CAMKMT: variants seen among roughly 807,000 people sequenced by gnomAD.
CAMKMT encodes calmodulin-lysine N-methyltransferase.
A neutral mutation model predicts 48.0 loss-of-function variants in CAMKMT; 53 were observed. That is an observed-to-expected ratio of 1.10 (90% CI 0.89 to 1.39). The LOEUF (loss-of-function observed/expected upper bound fraction) is 1.39, where lower values mean the gene tolerates loss of function less well. Among genes scored for constraint, CAMKMT ranks in the 40% most tolerant of loss-of-function variants. The pLI, the probability that CAMKMT is intolerant of heterozygous loss-of-function variation, is 0.00. For synonymous variants in CAMKMT, 165 were observed against 152.3 expected (o/e 1.08, Z -0.61); for missense variants, 428 against 402.7 (o/e 1.06, Z -0.54).
intron 2 of CAMKMT, among the ~76,000 whole-genome samples, chr2:44,381,752 C>T (rs767319052): frequency 6.6e-6 from 1 of 152,082 alleles, no homozygotes; most frequent in Non-Finnish European, 1.5e-5. Flanking sequence ...GCTTTCAGTT[C>T]TTTAATAAAA....
intron 7 of CAMKMT, among the ~76,000 whole-genome samples, chr2:44,719,619 A>G (rs1220854582): frequency 1.3e-5 from 2 of 152,210 alleles, no homozygotes; most frequent in East Asian, 3.8e-4. Context: ...TATTTAGAGA[A>G]CATTTTGAAA....
At position 44,387,082 on chromosome 2, in the gene CAMKMT, T is replaced by C. The variant is rs888574108; in HGVS notation, c.312-3159T>C. ...CTATTGTTTCCTTGTTGACTTTCTG[T>C]CTTGATGACCTGTCTAGTGCTGTCA... On this transcript the variant is annotated intron_variant, in intron 2 of 10. Coordinates refer to ENST00000378494, the MANE Select transcript of CAMKMT (RefSeq NM_024766.5). 5.8e-4 allele frequency among the ~76,000 whole-genome samples: 89 copies of C among 152,186 alleles called. 1 individual carries two copies. The highest frequency in any genetic ancestry group is 2.1e-3 in the African/African-American group (86 of 41,466).
chr2:44,419,668 T>A (rs1374067595), intron 3 of CAMKMT, among the ~76,000 whole-genome samples: 1 of 152,216 alleles, frequency 6.6e-6, no homozygotes, highest in Non-Finnish European at 1.5e-5. Flanking sequence ...CCTGAACTTC[T>A]GGGCTCAAGT....
chr2:44,415,757 C>T (rs1432409880), intron 3 of CAMKMT, among the ~76,000 whole-genome samples: 1 of 152,136 alleles, frequency 6.6e-6, no homozygotes, highest in African/African-American at 2.4e-5. Flanking sequence ...AAATTGAAAT[C>T]CCTGGGTGGG....
intron 3 of CAMKMT, among the ~76,000 whole-genome samples, chr2:44,519,730 C>T (rs1427121430): frequency 3.3e-5 from 5 of 152,166 alleles, no homozygotes; most frequent in Non-Finnish European, 7.3e-5. Flanking sequence ...GGGCACTGTG[C>T]TTCAAACTCA....
chr2:44,395,003 A>G (rs1681697815), intron 3 of CAMKMT: 1 of 448,060 alleles, frequency 2.2e-6, no homozygotes, highest in Non-Finnish European at 4.5e-6. Context: ...TAAAAAAAAG[A>G]CAATCAAATA....
chr2:44,723,233 A>G (rs551673349), intron 7 of CAMKMT, among the ~76,000 whole-genome samples: 2 of 152,294 alleles, frequency 1.3e-5, no homozygotes, highest in East Asian at 1.9e-4. Flanking sequence ...CGTGGGGACC[A>G]CCAAACTAGA....
In CAMKMT at chr2:44,573,060, T is replaced by C. The variant is rs966626200; in HGVS notation, c.377-131223T>C. On this transcript the variant is annotated intron_variant, in intron 3 of 10. Transcript: ENST00000378494. The stretch of plus-strand genomic sequence containing the variant: ...ATTACTGTTAGTAATAGTAATCTTT[T>C]CATGTGCTGCTATTAGTAAAAGTAA... Among the ~76,000 whole-genome samples, 6 of 152,240 alleles carry C rather than the reference T, an allele frequency of 3.9e-5. No individual in the cohort carries two copies. The East Asian group carries it at 1.2e-3, about 29-fold the overall frequency.
chr2:44,719,539 AAT>A (rs1678352016), intron 7 of CAMKMT, among the ~76,000 whole-genome samples: 1 of 152,212 alleles, frequency 6.6e-6, no homozygotes. Context: ...AATTCTGCTT[AAT>A]ATGTTTTTGT....
chr2:44,667,315 G>A (rs1675049281), intron 3 of CAMKMT, among the ~76,000 whole-genome samples: 1 of 152,182 alleles, frequency 6.6e-6, no homozygotes, highest in African/African-American at 2.4e-5. Context: ...ACCAGCAGAT[G>A]ATATCCCCAT....
intron 3 of CAMKMT, among the ~76,000 whole-genome samples, chr2:44,612,870 T>G (rs1186070766): frequency 3.9e-5 from 6 of 152,244 alleles, no homozygotes; most frequent in Admixed American, 3.9e-4. Flanking sequence ...CCTCTTTTTC[T>G]CTCTCACTCA....
intron 3 of CAMKMT, among the ~76,000 whole-genome samples, chr2:44,540,874 T>C (rs1178813824): frequency 6.6e-6 from 1 of 152,258 alleles, no homozygotes; most frequent in African/African-American, 2.4e-5. Flanking sequence ...CTGTGATCCA[T>C]TTGAAGTTTA....
intron 3 of CAMKMT, chr2:44,550,670 C>T (rs1412841869): frequency 6.6e-6 from 1 of 152,150 alleles, no homozygotes; most frequent in Non-Finnish European, 1.5e-5. Flanking sequence ...TATTGACCAT[C>T]TATCCACTCT....
chr2:44,654,880 C>T (rs1004853512), intron 3 of CAMKMT, among the ~76,000 whole-genome samples: 6 of 152,148 alleles, frequency 3.9e-5, no homozygotes, highest in African/African-American at 1.4e-4. Flanking sequence ...ATAAATATTT[C>T]TAGGAACCAT....
chr2:44,372,260 G>A lies in CAMKMT; in HGVS notation c.139-456G>A, dbSNP rs879372735. Among the ~76,000 whole-genome samples the A allele has an allele frequency of 2.6e-5, 4 of 152,278 alleles. No homozygotes were observed. The East Asian group carries it at 7.7e-4, about 29-fold the overall frequency. On this transcript the variant is annotated intron_variant, in intron 1 of 10. Transcript: ENST00000378494. The stretch of plus-strand genomic sequence containing the variant: ...AGCACTTTGGGAGGCCAGGGTTGAA[G>A]ATCACTTGAGCCCAGGAGTTTGAAT...
chr2:44,443,934 A>G (rs1279838672), intron 3 of CAMKMT, among the ~76,000 whole-genome samples: 1 of 152,214 alleles, frequency 6.6e-6, no homozygotes, highest in Non-Finnish European at 1.5e-5. Context: ...GAAAAAGTGC[A>G]AAGGCTTTTA....
intron 10 of CAMKMT, among the ~76,000 whole-genome samples, chr2:44,768,362 T>TATATATATATATATATATA (rs1491157479): frequency 1.3e-3 from 100 of 74,214 alleles, no homozygotes; most frequent in Non-Finnish European, 1.7e-3. Context: ...TATATATATA[T>TATATATATATATATATATA]TTTTTTTTTT....
intron 6 of CAMKMT, among the ~76,000 whole-genome samples, chr2:44,712,916 G>A (rs343959): frequency 0.21 from 31,796 of 151,962 alleles, 3,937 homozygotes; most frequent in African/African-American, 0.34. Flanking sequence ...GGAGCAGGAT[G>A]TCTGAATTTA....
intron 3 of CAMKMT, among the ~76,000 whole-genome samples, chr2:44,671,045 G>A (rs1012702373): frequency 5.3e-5 from 8 of 152,122 alleles, no homozygotes; most frequent in African/African-American, 1.9e-4. Flanking sequence ...AATAAATGCT[G>A]CCTTTTTGTT....
Sources: allele counts gnomAD v4.1 joint callset (sites outside exome capture counted in the v4.1 genomes callset), GRCh38; gene constraint gnomAD v4.1.1; transcripts MANE v1.5; gene names NCBI Gene and HGNC (gene_info 2026-07-23, HGNC 2026-07-21).